The following SLCO3A1 variants were observed in gnomAD, a reference collection of about 807,000 sequenced individuals.
The protein encoded by SLCO3A1 is PGE1 transporter.
A neutral mutation model predicts 63.1 loss-of-function variants in SLCO3A1; 27 were observed. That is an observed-to-expected ratio of 0.43 (90% confidence interval 0.32 to 0.59). SLCO3A1 has a LOEUF of 0.59. SLCO3A1 is among the 20% of genes least tolerant of loss of function. The pLI is 0.09. For synonymous variants in SLCO3A1, 473 were observed against 409.9 expected, an observed-to-expected ratio of 1.15 and a Z score of -1.86; for missense variants, 773 against 945.8, an observed-to-expected ratio of 0.82 and a Z score of 2.40.
At chr15:92,160,671 GAA>G (rs1437090809) in intron 9 of SLCO3A1, among the ~76,000 whole-genome samples, 1 of 152,126 alleles carries the variant, frequency 6.6e-6, no homozygotes, top group Non-Finnish European at 1.5e-5. Context: ...CAGCGGAGGT[GAA>G]GAGTTCCAAG....
chr15:92,001,154 C>G (rs796745420), intron 2 of SLCO3A1, among the ~76,000 whole-genome samples: 5 of 131,450 alleles, frequency 3.8e-5, no homozygotes, highest in African/African-American at 1.4e-4. Context: ...AACCTTAAAC[C>G]ATTTTCTCTA....
intron 9 of SLCO3A1, among the ~76,000 whole-genome samples, chr15:92,153,195 C>T (rs1280578002): frequency 6.6e-6 from 1 of 151,412 alleles, no homozygotes; most frequent in Admixed American, 6.6e-5. Flanking sequence ...ACAAGTTTTG[C>T]ATTATGGCCC....
At chr15:91,938,308 TTCCTTCTCTCC>T (rs778183306) in intron 2 of SLCO3A1, among the ~76,000 whole-genome samples, 15 of 151,656 alleles carry the variant, frequency 9.9e-5, no homozygotes, top group Middle Eastern at 3.4e-3. Context: ...AAGTGTTAGT[TTCCTTCTCTCC>T]TCCTTCTCCC....
Position 91,865,985 on chromosome 15 carries a change from G to A in SLCO3A1, c.180+11897G>A, listed in dbSNP as rs1006524893. ...AGGATTGTTGGATATTCGTAAGAGA[G>A]TCGTTCATACCCAAAGATATCATTT... On this transcript the variant is annotated intron_variant, in intron 1 of 9. Transcript: ENST00000318445. The surrounding 1 kb of genome is among the most constrained non-coding windows in gnomAD (Gnocchi z 4.6). Among the ~76,000 whole-genome samples, 2 of 152,184 alleles carry A rather than the reference G, an allele frequency of 1.3e-5. No homozygotes were observed. The highest frequency in any genetic ancestry group is 2.9e-5 in the Non-Finnish European group (2 of 68,040).
chr15:92,018,337 G>T (rs1248779315), intron 2 of SLCO3A1, among the ~76,000 whole-genome samples: 1 of 152,200 alleles, frequency 6.6e-6, no homozygotes, highest in Non-Finnish European at 1.5e-5. Context: ...TTGAGAGCCA[G>T]CAGGGGCCCT....
chr15:91,995,976 A>T (rs2046187450), intron 2 of SLCO3A1, among the ~76,000 whole-genome samples: 1 of 152,166 alleles, frequency 6.6e-6, no homozygotes, highest in African/African-American at 2.4e-5. Flanking sequence ...GGAATGATTT[A>T]AGGATGCTCT....
At chr15:91,981,353 G>A (rs181894137) in intron 2 of SLCO3A1, among the ~76,000 whole-genome samples, 170 of 152,230 alleles carry the variant, frequency 1.1e-3, no homozygotes, top group South Asian at 5.8e-3. Flanking sequence ...GTGTAAACTC[G>A]TCCTGTGAGG....
chr15:92,012,122 C>G (rs753353284), intron 2 of SLCO3A1, among the ~76,000 whole-genome samples: 1 of 152,252 alleles, frequency 6.6e-6, no homozygotes, highest in Non-Finnish European at 1.5e-5. Flanking sequence ...AAGCAACCCA[C>G]TGTCACTGAG....
intron 9 of SLCO3A1, 42 bp downstream of exon 9, chr15:92,151,056 C>A: frequency 1.5e-6 from 2 of 1,335,778 alleles, no homozygotes; most frequent in Non-Finnish European, 1.1e-6. Flanking sequence ...GAATTGGATG[C>A]TTATTACTAG....
intron 2 of SLCO3A1, among the ~76,000 whole-genome samples, chr15:91,962,103 C>T (rs1260796700): frequency 1.3e-5 from 2 of 152,146 alleles, no homozygotes; most frequent in Non-Finnish European, 2.9e-5. Context: ...CAAACTCTGG[C>T]GGTCATACAG....
Position 92,033,157 on chromosome 15 carries a change from A to G in SLCO3A1, c.647-61724A>G, listed in dbSNP as rs948557044. On this transcript the variant is annotated intron_variant, in intron 2 of 9. Coordinates refer to ENST00000318445, the MANE Select transcript of SLCO3A1 (RefSeq NM_013272.4). This position sits in a 1 kb window ranked among gnomAD's most constrained non-coding sequence, Gnocchi z 4.5. ...CGTGTAAAAAAAACAAAAGAACTCCATGGATGGGGCATTGTTTTTCCATTC... is the reference window on the plus strand; with the variant it reads ...CGTGTAAAAAAAACAAAAGAACTCCGTGGATGGGGCATTGTTTTTCCATTC... 6.6e-6 allele frequency among the ~76,000 whole-genome samples: 1 copy of G among 152,214 alleles called. No homozygotes were observed. The highest frequency in any genetic ancestry group is 6.5e-5 in the Admixed American group (1 of 15,288).
chr15:92,153,907 A>T (rs1030294955), intron 9 of SLCO3A1, among the ~76,000 whole-genome samples: 2 of 152,172 alleles, frequency 1.3e-5, no homozygotes, highest in African/African-American at 4.8e-5. Flanking sequence ...TGGATCAGGA[A>T]CTTGGTCAGG....
chr15:92,008,139 G>A (rs967275841), intron 2 of SLCO3A1, among the ~76,000 whole-genome samples: 3 of 152,140 alleles, frequency 2.0e-5, no homozygotes, highest in Non-Finnish European at 4.4e-5. Flanking sequence ...TAGCAAAACT[G>A]AAAGACCTTT....
intron 2 of SLCO3A1, among the ~76,000 whole-genome samples, chr15:92,077,232 G>A (rs2047288890): frequency 1.3e-5 from 2 of 152,144 alleles, no homozygotes; most frequent in South Asian, 4.1e-4. Flanking sequence ...GATGAGATTT[G>A]GGTGGGGACA....
chr15:92,003,387 T>A (rs1348515229), intron 2 of SLCO3A1, among the ~76,000 whole-genome samples: 1 of 152,230 alleles, frequency 6.6e-6, no homozygotes, highest in African/African-American at 2.4e-5. Flanking sequence ...AGATACACTA[T>A]GGAGTATACA....
chr15:91,986,044 T>C (rs2046048069), intron 2 of SLCO3A1, among the ~76,000 whole-genome samples: 1 of 152,150 alleles, frequency 6.6e-6, no homozygotes, highest in Non-Finnish European at 1.5e-5. Flanking sequence ...TCTGGTCCTC[T>C]GAGTTTACAT....
rs2048300525 is a variant in SLCO3A1 at position 92,151,165 on chromosome 15, T to A, written c.1753+151T>A. On this transcript the variant is annotated intron_variant, in intron 9 of 9. Coordinates refer to ENST00000318445, the MANE Select transcript of SLCO3A1 (RefSeq NM_013272.4). Reference sequence around the variant, plus strand: ...AATAAGAAATTTTAAGTCTCAAAATTTTGGTCAGAGATAAACTCAGACACT... The same window carrying A: ...AATAAGAAATTTTAAGTCTCAAAATATTGGTCAGAGATAAACTCAGACACT... 3.5e-5 allele frequency: 22 copies of A among 629,272 alleles called. No individual in the cohort carries two copies. In the South Asian group the frequency reaches 4.9e-4, roughly 14 times the overall value. 39.0% of individuals were successfully genotyped at this position (629,272 alleles called of 1,614,324 possible).
intron 2 of SLCO3A1, among the ~76,000 whole-genome samples, chr15:92,083,650 T>G (rs1415953281): frequency 1.3e-5 from 2 of 152,208 alleles, no homozygotes; most frequent in African/African-American, 4.8e-5. Flanking sequence ...TGGGATTTAT[T>G]AAAAATTACT....
chr15:91,871,559 G>T (rs990703727), intron 1 of SLCO3A1, among the ~76,000 whole-genome samples: 14 of 152,142 alleles, frequency 9.2e-5, no homozygotes, highest in Non-Finnish European at 1.6e-4. Context: ...AGAGAATATA[G>T]GGATAACTAC....
Sources: allele counts gnomAD v4.1 joint callset (sites outside exome capture counted in the v4.1 genomes callset), GRCh38; gene constraint gnomAD v4.1.1; non-coding constraint Gnocchi (gnomAD v3.1); transcripts MANE v1.5; gene names NCBI Gene and HGNC (gene_info 2026-07-23, HGNC 2026-07-21).